The following EPAS1 variants were observed in gnomAD, a reference collection of about 807,000 sequenced individuals.
EPAS1 encodes endothelial PAS domain protein 1, also known as endothelial PAS domain-containing protein 1.
Under a neutral mutation model 87.9 loss-of-function variants are expected in EPAS1, and 23 were observed. The ratio of observed to expected loss-of-function variants is 0.26; its 90% CI spans 0.19 to 0.37. The LOEUF is 0.37. Among genes scored for constraint, EPAS1 ranks in the 10% least tolerant of loss-of-function variants. The pLI is 1.00. For missense variants in EPAS1, 1,138 were observed against 1,120.7 expected, an observed-to-expected ratio of 1.02 and a Z score of -0.22; for synonymous variants, 508 against 444.3, an observed-to-expected ratio of 1.14 and a Z score of -1.80.
intron 15 of EPAS1, among the ~76,000 whole-genome samples, chr2:46,384,035 C>T (rs1319300017): frequency 5.3e-5 from 8 of 152,166 alleles, no homozygotes; most frequent in South Asian, 2.1e-4. Flanking sequence ...TCTGCCTCCT[C>T]GGCAAGAGAA....
In EPAS1 at chr2:46,381,961, C is replaced by G; in HGVS notation, c.2173-14C>G. On this transcript the variant is annotated splice_polypyrimidine_tract_variant and intron_variant, in intron 13 of 15. Coordinates refer to ENST00000263734, the MANE Select transcript of EPAS1 (RefSeq NM_001430.5). The stretch of plus-strand genomic sequence containing the variant: ...TGGCCATTTCCCCTTTCCATCTGCC[C>G]TTCTTACTCCCAGGGGGACCCACCT... 5 of 1,612,722 alleles carry G rather than the reference C, an allele frequency of 3.1e-6. No homozygotes were observed. Among genetic ancestry groups the G allele is most frequent in the Non-Finnish European group, 4.2e-6 (5 of 1,178,928 alleles).
Position 46,317,606 on chromosome 2 carries a change from A to C in EPAS1, c.26+19669A>C, listed in dbSNP as rs573013314. ...GTAAATGATAAGTGGCTTCAGCTTA[A>C]ACTCACCAGCTGCATTAGTCCCTAG... On this transcript the variant is annotated intron_variant, in intron 1 of 15. Transcript: ENST00000263734. 2.0e-5 allele frequency among the ~76,000 whole-genome samples: 3 copies of C among 152,342 alleles called. No individual in the cohort carries two copies. The South Asian group carries it at 6.2e-4, about 32-fold the overall frequency.
chr2:46,310,481 C>G (rs1330501881), intron 1 of EPAS1, among the ~76,000 whole-genome samples: 1 of 152,224 alleles, frequency 6.6e-6, no homozygotes, highest in Non-Finnish European at 1.5e-5. Flanking sequence ...TGCGACCAAG[C>G]TGTTCCTTGA....
At position 46,375,672 on chromosome 2, in the gene EPAS1, C is replaced by CTGTT. The variant is rs778456012; in HGVS notation, c.887-16_887-13dup. 3.1e-6 allele frequency: 5 copies of CTGTT among 1,613,158 alleles called. No homozygotes were observed. The highest frequency in any genetic ancestry group is 3.4e-6 in the Non-Finnish European group (4 of 1,179,624). Reference sequence around the variant, plus strand: ...CTGCCCCACCTCCCTAAGCTCAGCTCTGTTTCTCCTCCCCTAGTGTGCACC... The same window carrying CTGTT: ...CTGCCCCACCTCCCTAAGCTCAGCTCTGTTTGTTTCTCCTCCCCTAGTGTGCACC... On this transcript the variant is annotated splice_polypyrimidine_tract_variant and intron_variant, in intron 7 of 15. Transcript: ENST00000263734. The surrounding 1 kb of genome is among the most constrained non-coding windows in gnomAD (Gnocchi z 4.1).
intron 1 of EPAS1, among the ~76,000 whole-genome samples, chr2:46,343,335 G>C (rs1171502698): frequency 6.6e-6 from 1 of 152,180 alleles, no homozygotes; most frequent in Non-Finnish European, 1.5e-5. Context: ...ATTTAAAAAA[G>C]TATTAGCCCT....
At chr2:46,351,919 T>A (rs1407889802) in intron 2 of EPAS1, among the ~76,000 whole-genome samples, 1 of 152,154 alleles carries the variant, frequency 6.6e-6, no homozygotes, top group Admixed American at 6.5e-5. Flanking sequence ...CCACCCCACA[T>A]GGGCGGTGCT....
chr2:46,343,233 A>C (rs1683947144), intron 1 of EPAS1, among the ~76,000 whole-genome samples: 1 of 152,160 alleles, frequency 6.6e-6, no homozygotes, highest in Non-Finnish European at 1.5e-5. Context: ...GCTGGTTCTT[A>C]GTCCTACTCT....
At chr2:46,339,754 G>A (rs1245653713) in intron 1 of EPAS1, among the ~76,000 whole-genome samples, 3 of 152,212 alleles carry the variant, frequency 2.0e-5, no homozygotes, top group African/African-American at 7.2e-5. Context: ...TCATGGTTCT[G>A]GATGCTGGGA....
At chr2:46,335,357 G>C (rs1427957290) in intron 1 of EPAS1, among the ~76,000 whole-genome samples, 1 of 152,046 alleles carries the variant, frequency 6.6e-6, no homozygotes, top group Non-Finnish European at 1.5e-5. Context: ...TACTTGAAAA[G>C]AGTTCTGACA....
intron 1 of EPAS1, among the ~76,000 whole-genome samples, chr2:46,301,630 A>G (rs912621558): frequency 2.6e-5 from 4 of 151,716 alleles, no homozygotes; most frequent in African/African-American, 4.8e-5. Context: ...TCAATTAAGT[A>G]TGTATTTTCC....
In EPAS1 at chr2:46,346,323, G is replaced by A. The variant is rs1684023213; in HGVS notation, c.27-550G>A. ...GTGTCTGGCTAACTGTTCTGGGGCT[G>A]TAATGGCATTTTCAGTTTTTACTGT... On this transcript the variant is annotated intron_variant, in intron 1 of 15. Coordinates refer to ENST00000263734, the MANE Select transcript of EPAS1 (RefSeq NM_001430.5). The surrounding 1 kb of genome is among the most constrained non-coding windows in gnomAD (Gnocchi z 4.0). Among the ~76,000 whole-genome samples the A allele has an allele frequency of 2.0e-5, 3 of 152,318 alleles. No homozygotes were observed. Among genetic ancestry groups the A allele is most frequent in the South Asian group, 2.1e-4 (1 of 4,832 alleles).
At chr2:46,342,521 G>C (rs1301794458) in intron 1 of EPAS1, among the ~76,000 whole-genome samples, 2 of 152,118 alleles carry the variant, frequency 1.3e-5, no homozygotes, top group Non-Finnish European at 2.9e-5. Flanking sequence ...TAGGCATATT[G>C]TTTTGATACC....
At chr2:46,383,132 C>A (rs963155434) in intron 15 of EPAS1, among the ~76,000 whole-genome samples, 1 of 152,200 alleles carries the variant, frequency 6.6e-6, no homozygotes, top group Non-Finnish European at 1.5e-5. Context: ...AGGGAGAACC[C>A]TCCCATGATC....
At chr2:46,326,420 C>G (rs1034291173) in intron 1 of EPAS1, among the ~76,000 whole-genome samples, 1 of 152,058 alleles carries the variant, frequency 6.6e-6, no homozygotes, top group African/African-American at 2.4e-5. Context: ...GTGGCTAGAT[C>G]ACCTGCCTGG....
Position 46,380,793 on chromosome 2 carries a change from G to A in EPAS1, c.2045+76G>A. On this transcript the variant is annotated intron_variant, in intron 12 of 15. Coordinates refer to ENST00000263734, the MANE Select transcript of EPAS1 (RefSeq NM_001430.5). This position sits in a 1 kb window ranked among gnomAD's most constrained non-coding sequence, Gnocchi z 4.4. The stretch of plus-strand genomic sequence containing the variant: ...CACTAGTAAGATAGCTGGACCCCCA[G>A]GGAGGCCCCTGCCCCTCTCCCCAGC... 6.3e-7 allele frequency: 1 copy of A among 1,596,990 alleles called. No homozygotes were observed. The highest frequency in any genetic ancestry group is 1.1e-5 in the South Asian group (1 of 90,700).
At chr2:46,317,685 G>C (rs1683369687) in intron 1 of EPAS1, among the ~76,000 whole-genome samples, 1 of 152,184 alleles carries the variant, frequency 6.6e-6, no homozygotes, top group African/African-American at 2.4e-5. Context: ...CCCTCTTGCA[G>C]TGAAAGTCCT....
chr2:46,356,638 C>T, intron 3 of EPAS1, 86 bp from the exon 4 acceptor site: 1 of 1,096,146 alleles, frequency 9.1e-7, no homozygotes, highest in Non-Finnish European at 1.4e-6. Flanking sequence ...TCCCTGCCTC[C>T]AAATCTGGAA....
chr2:46,385,455 A>G lies in EPAS1; in HGVS notation c.*795A>G, dbSNP rs186652898. The stretch of plus-strand genomic sequence containing the variant: ...AATATCTAAAAACTTAGAAACGGAA[A>G]TGGAATCCTGCTCACAAAATCACTT... On this transcript the variant is annotated 3_prime_UTR_variant, in exon 16 of 16. Coordinates refer to ENST00000263734, the MANE Select transcript of EPAS1 (RefSeq NM_001430.5). 25 of 152,370 alleles carry G rather than the reference A, an allele frequency of 1.6e-4. No individual in the cohort carries two copies. The highest frequency in any genetic ancestry group is 6.0e-4 in the African/African-American group (25 of 41,548). The allele number at this position is 152,370 out of a possible 1,614,324, so 9.4% of individuals were successfully genotyped here. A position where few individuals can be genotyped will look rare whatever the true frequency, so the allele number is the denominator to read the frequency against.
Position 46,386,550 on chromosome 2 carries a change from C to CA in EPAS1, c.*1891dup, listed in dbSNP as rs1479683273. The CA allele has an allele frequency of 1.3e-5, 2 of 152,652 alleles. No individual in the cohort carries two copies. Among genetic ancestry groups the CA allele is most frequent in the African/African-American group, 4.8e-5 (2 of 41,458 alleles). The allele number at this position is 152,652 out of a possible 1,614,324, so 9.5% of individuals were successfully genotyped here. On this transcript the variant is annotated 3_prime_UTR_variant, in exon 16 of 16. Coordinates refer to ENST00000263734, the MANE Select transcript of EPAS1 (RefSeq NM_001430.5). The stretch of plus-strand genomic sequence containing the variant: ...AAACACTGAAAAATATTCCAAGCTT[C>CA]ATATTAACCCTACCTGTCAACGTAA...
Sources: gnomAD v4.1 joint callset for allele counts (sites outside exome capture counted in the v4.1 genomes callset) on GRCh38, gnomAD v4.1.1 for gene constraint, Gnocchi (gnomAD v3.1) non-coding constraint, MANE v1.5 for transcripts, NCBI Gene and HGNC (gene_info 2026-07-23, HGNC 2026-07-21) for gene names.